KAZN: variants seen among roughly 807,000 people sequenced by gnomAD.
KAZN encodes the protein kazrin, periplakin interacting protein, also known as kazrin.
In KAZN, 40 loss-of-function variants were observed where a neutral mutation model predicts 87.4. The ratio of observed to expected loss-of-function variants is 0.46; its 90% CI spans 0.36 to 0.60. The LOEUF is 0.60. KAZN is among the 20% of genes least tolerant of loss of function. The probability of loss-of-function intolerance (pLI) is 0.00; values close to 1 mark genes in which losing one functional copy is unlikely to be tolerated. For missense variants in KAZN, 898 were observed against 1,073.9 expected (o/e 0.84, Z 2.29); for synonymous variants, 466 against 458.3 (o/e 1.02, Z -0.22).
intron 2 of KAZN, among the ~76,000 whole-genome samples, chr1:14,264,414 G>A (rs763705978): frequency 6.6e-5 from 10 of 152,308 alleles, no homozygotes; most frequent in South Asian, 6.2e-4. Context: ...ATGCAACAGC[G>A]TTGGAAGGTG....
chr1:14,248,357 A>G (rs1649704013), intron 2 of KAZN, among the ~76,000 whole-genome samples: 1 of 152,250 alleles, frequency 6.6e-6, no homozygotes, highest in Non-Finnish European at 1.5e-5. Context: ...TATATTTGTT[A>G]GCATTTGCTG....
At chr1:14,264,183 C>A (rs186799730) in intron 2 of KAZN, among the ~76,000 whole-genome samples, 1 of 152,146 alleles carries the variant, frequency 6.6e-6, no homozygotes, top group African/African-American at 2.4e-5. Context: ...TTTCTTTCTG[C>A]AGGTTCTAAA....
At chr1:14,626,295 G>A (rs1269033027) in intron 1 of KAZN, among the ~76,000 whole-genome samples, 1 of 152,230 alleles carries the variant, frequency 6.6e-6, no homozygotes, top group African/African-American at 2.4e-5. Flanking sequence ...TAAGTGCTAA[G>A]CATGGATGAA....
At chr1:14,455,200 C>T (rs529472917) in intron 2 of KAZN, among the ~76,000 whole-genome samples, 12 of 152,206 alleles carry the variant, frequency 7.9e-5, no homozygotes, top group Non-Finnish European at 1.8e-4. Flanking sequence ...AATTCCACAC[C>T]ATTTAGTATT....
At chr1:14,895,390 C>T (rs892312887) in intron 1 of KAZN, among the ~76,000 whole-genome samples, 4 of 152,210 alleles carry the variant, frequency 2.6e-5, no homozygotes, top group African/African-American at 9.6e-5. Flanking sequence ...CTGGAGCTGT[C>T]GCAGCCTAAT....
intron 1 of KAZN, among the ~76,000 whole-genome samples, chr1:13,915,246 C>A (rs1639803848): frequency 6.6e-6 from 1 of 152,176 alleles, no homozygotes; most frequent in Admixed American, 6.5e-5. Context: ...AAAATCTTAG[C>A]AACCCTTTGG....
At chr1:14,711,142 A>G (rs900388196) in intron 1 of KAZN, among the ~76,000 whole-genome samples, 7 of 152,196 alleles carry the variant, frequency 4.6e-5, no homozygotes, top group African/African-American at 7.2e-5. Context: ...GCAGTGAGCC[A>G]TGATGGCACC....
chr1:15,043,995 G>C lies in KAZN; in HGVS notation c.562G>C (p.Glu188Gln), dbSNP rs1479526351. The change falls in exon 4 of 15, where the codon GAG becomes CAG. Residue 188 changes from glutamate (E) to glutamine (Q), a missense_variant. By Grantham distance (29) the Glu-to-Gln change is conservative. Around this residue, in one of 3 missense-constraint regions of KAZN, gnomAD observed 250 missense variants for 263.0 expected, o/e 0.95. Coordinates refer to ENST00000376030, the MANE Select transcript of KAZN (RefSeq NM_201628.3). The part of the protein sequence containing the change: ...RNYEQHRKES[E>Q]DAVKALAKEK... ...CTCCCTCTCCCACCCACAGGAGAGC[G>C]AGGATGCGGTCAAAGCGCTGGCCAA... The C allele has an allele frequency of 4.3e-6, 7 of 1,609,698 alleles. No individual in the cohort carries two copies. The highest frequency in any genetic ancestry group is 5.9e-6 in the Non-Finnish European group (7 of 1,178,564).
intron 2 of KAZN, among the ~76,000 whole-genome samples, chr1:14,216,959 A>G (rs894654818): frequency 3.9e-5 from 6 of 152,192 alleles, no homozygotes; most frequent in African/African-American, 1.4e-4. Context: ...GGCAACAGGA[A>G]AAGATCACAG....
At chr1:13,901,486 A>G (rs1639249142) in intron 1 of KAZN, among the ~76,000 whole-genome samples, 1 of 152,222 alleles carries the variant, frequency 6.6e-6, no homozygotes, top group African/African-American at 2.4e-5. Context: ...TAGGATTTCC[A>G]GTGTTGCCAG....
At chr1:14,698,037 T>C (rs1641713214) in intron 1 of KAZN, among the ~76,000 whole-genome samples, 1 of 152,198 alleles carries the variant, frequency 6.6e-6, no homozygotes, top group Non-Finnish European at 1.5e-5. Context: ...GGCCAAGCCT[T>C]GGCCAGGTTC....
At chr1:15,101,058 C>T (rs1259884089) in intron 10 of KAZN, among the ~76,000 whole-genome samples, 1 of 152,216 alleles carries the variant, frequency 6.6e-6, no homozygotes, top group Non-Finnish European at 1.5e-5. Context: ...CTGCTCCCCG[C>T]CCCTGCGCCT....
chr1:14,796,403 C>T (rs1236483294), intron 1 of KAZN, among the ~76,000 whole-genome samples: 1 of 152,182 alleles, frequency 6.6e-6, no homozygotes, highest in Non-Finnish European at 1.5e-5. Context: ...GTGACAACCA[C>T]ATCTCCACCA....
chr1:14,014,982 T>C (rs1640495148), intron 1 of KAZN, among the ~76,000 whole-genome samples: 1 of 152,228 alleles, frequency 6.6e-6, no homozygotes, highest in African/African-American at 2.4e-5. Context: ...TGATGAGATC[T>C]CTTTTTCTTG....
At chr1:14,350,478 AG>A (rs1557656052) in intron 2 of KAZN, among the ~76,000 whole-genome samples, 1 of 152,192 alleles carries the variant, frequency 6.6e-6, no homozygotes, top group Non-Finnish European at 1.5e-5. Context: ...TTACCATGGA[AG>A]GGAGTTTGCT....
rs187915917 is a variant in KAZN at position 14,228,442 on chromosome 1, T to C, written c.249+47850T>C. ...ACCTCTGGATAGCTTTGAATGACAA[T>C]GTGACCTCACCTAATTGTCTTTGGC... On this transcript the variant is annotated intron_variant, in intron 2 of 16. Transcript: ENST00000636203. Among the ~76,000 whole-genome samples the C allele has an allele frequency of 2.6e-5, 4 of 152,286 alleles. No individual in the cohort carries two copies. In the East Asian group the frequency reaches 7.7e-4, roughly 29 times the overall value.
chr1:14,375,668 C>T (rs1461088456), intron 2 of KAZN, among the ~76,000 whole-genome samples: 2 of 152,056 alleles, frequency 1.3e-5, no homozygotes, highest in African/African-American at 2.4e-5. Context: ...GGGCGGATCA[C>T]GAGGTCAGGA....
At chr1:14,116,215 A>T (rs1369833383) in intron 1 of KAZN, among the ~76,000 whole-genome samples, 3 of 152,226 alleles carry the variant, frequency 2.0e-5, no homozygotes, top group African/African-American at 2.4e-5. Flanking sequence ...GACAATGGGG[A>T]AATTGTCTCC....
At chr1:14,597,939 G>T (rs1676612641), upstream of KAZN, among the ~76,000 whole-genome samples, 1 of 152,104 alleles carries the variant, frequency 6.6e-6, no homozygotes, top group African/African-American at 2.4e-5. Context: ...AGGCAGCAGG[G>T]CTCAACTCTT....
Sources: gnomAD v4.1 joint callset for allele counts (sites outside exome capture counted in the v4.1 genomes callset) on GRCh38, gnomAD v4.1.1 for gene constraint, gnomAD v4.1.1 regional missense constraint, MANE v1.5 for transcripts, NCBI Gene and HGNC (gene_info 2026-07-23, HGNC 2026-07-21) for gene names.